FSHR: variants seen among roughly 807,000 people sequenced by gnomAD.
FSHR encodes follicle-stimulating hormone receptor.
FSHR carries 46 observed loss-of-function variants against 52.1 expected under a neutral mutation model. The observed-to-expected ratio is 0.88, with a 90% CI of 0.70 to 1.13. FSHR has a LOEUF of 1.13. Among genes scored for constraint, FSHR ranks in the 50% most tolerant of loss-of-function variants. The pLI is 0.00. For missense variants in FSHR, 964 were observed against 834.6 expected (o/e 1.16, Z -1.91); for synonymous variants, 399 against 309.6 (o/e 1.29, Z -3.03).
intron 2 of FSHR, among the ~76,000 whole-genome samples, chr2:49,061,627 C>A (rs371681143): frequency 6.5e-5 from 7 of 107,330 alleles, no homozygotes; most frequent in East Asian, 3.2e-4. Flanking sequence ...TATAAAAATA[C>A]ATATATCTAT....
At chr2:48,985,705 T>G (rs1325176427) in intron 6 of FSHR, among the ~76,000 whole-genome samples, 1 of 133,694 alleles carries the variant, frequency 7.5e-6, no homozygotes, top group Non-Finnish European at 1.6e-5. Flanking sequence ...AGGTTTTTTT[T>G]TTTTTTTTTT....
At chr2:49,083,798 T>C (rs1373364357) in intron 1 of FSHR, among the ~76,000 whole-genome samples, 1 of 146,388 alleles carries the variant, frequency 6.8e-6, no homozygotes, top group Non-Finnish European at 1.5e-5. Flanking sequence ...GAGCTAACTA[T>C]CCTAAATATA....
chr2:49,062,797 A>T (rs190078786), intron 2 of FSHR, among the ~76,000 whole-genome samples: 2 of 152,284 alleles, frequency 1.3e-5, no homozygotes, highest in East Asian at 3.9e-4. Flanking sequence ...CAATAGGCAT[A>T]TGAAAAAACT....
intron 2 of FSHR, among the ~76,000 whole-genome samples, chr2:49,043,674 C>T (rs893626300): frequency 1.3e-5 from 2 of 152,128 alleles, no homozygotes; most frequent in African/African-American, 2.4e-5. Context: ...CCAAATGTTC[C>T]GATGAATTCA....
At chr2:49,057,851 G>T (rs1669123354) in intron 2 of FSHR, among the ~76,000 whole-genome samples, 1 of 152,166 alleles carries the variant, frequency 6.6e-6, no homozygotes, top group Non-Finnish European at 1.5e-5. Context: ...TCTGAGAAAT[G>T]CAAGAATGTT....
chr2:48,991,159 G>C (rs115971870), intron 4 of FSHR, among the ~76,000 whole-genome samples: 1 of 152,056 alleles, frequency 6.6e-6, no homozygotes, highest in Non-Finnish European at 1.5e-5. Flanking sequence ...TTACCCTTAC[G>C]AGATGGTTAT....
rs1231050840 is a variant in FSHR, at chr2:49,127,848, T to C, written c.152+26418A>G. Among the ~76,000 whole-genome samples, 160 of 24,684 alleles carry C rather than the reference T, an allele frequency of 6.5e-3. 5 individuals carry two copies. Among genetic ancestry groups the C allele is most frequent in the African/African-American group, 0.021 (60 of 2,866 alleles). 16.2% of individuals were successfully genotyped at this position (24,684 alleles called of 152,430 possible). On this transcript the variant is annotated intron_variant, in intron 1 of 9. Coordinates refer to ENST00000406846, the MANE Select transcript of FSHR (RefSeq NM_000145.4). ...CTTCTTCCTCTTCTTCTTCTTCTTCTTCTTCTTCTTCTTCTTCTTCTTCTT... is the reference window on the plus strand; with the variant it reads ...CTTCTTCCTCTTCTTCTTCTTCTTCCTCTTCTTCTTCTTCTTCTTCTTCTT...
chr2:48,972,083 C>T (rs1674766234), intron 8 of FSHR, among the ~76,000 whole-genome samples: 1 of 152,170 alleles, frequency 6.6e-6, no homozygotes, highest in Non-Finnish European at 1.5e-5. Flanking sequence ...TTATAATCTC[C>T]ACTTAGTTGT....
chr2:49,082,068 G>A (rs143470208), intron 1 of FSHR, among the ~76,000 whole-genome samples: 70 of 152,300 alleles, frequency 4.6e-4, no homozygotes, highest in African/African-American at 1.6e-3. Flanking sequence ...AGCTCCCAGC[G>A]TGAGCGACAC....
chr2:48,984,030 G>A (rs1675376382), intron 6 of FSHR, among the ~76,000 whole-genome samples: 2 of 152,142 alleles, frequency 1.3e-5, no homozygotes, highest in South Asian at 4.1e-4. Context: ...ACCTGCTCTT[G>A]TTTTGCTGTC....
chr2:49,030,222 G>C (rs990120860), intron 2 of FSHR, among the ~76,000 whole-genome samples: 1 of 150,170 alleles, frequency 6.7e-6, no homozygotes, highest in African/African-American at 2.5e-5. Context: ...AGCCAGTGTT[G>C]ATTTCCTCCT....
intron 1 of FSHR, among the ~76,000 whole-genome samples, chr2:49,070,057 C>G (rs561443308): frequency 2.0e-5 from 3 of 152,126 alleles, no homozygotes; most frequent in East Asian, 1.9e-4. Flanking sequence ...TGAGAGAGAA[C>G]CCTGTGTGCT....
At chr2:49,154,073 A>G (rs907574696) in intron 1 of FSHR, among the ~76,000 whole-genome samples, 193 bp downstream of exon 1, 2 of 152,154 alleles carry the variant, frequency 1.3e-5, no homozygotes, top group African/African-American at 4.8e-5. Context: ...TGCTGATACA[A>G]ACTCTCATCT....
Position 48,962,622 on chromosome 2 carries a change from A to T in FSHR, c.*111T>A. ...CAATTTACCTTAAAGGTATGCCAGGAATATTAAATTAGATGAAATGTGTAG... is the reference window on the plus strand; with the variant it reads ...CAATTTACCTTAAAGGTATGCCAGGTATATTAAATTAGATGAAATGTGTAG... On this transcript the variant is annotated 3_prime_UTR_variant, in exon 10 of 10. Transcript: ENST00000406846. The T allele has an allele frequency of 1.8e-6, 2 of 1,108,638 alleles. No individual in the cohort carries two copies. Among genetic ancestry groups the T allele is most frequent in the Non-Finnish European group, 2.7e-6 (2 of 742,364 alleles). 68.7% of individuals were successfully genotyped at this position (1,108,638 alleles called of 1,614,324 possible).
chr2:49,014,946 A>G (rs1045285573), intron 4 of FSHR: 7 of 469,492 alleles, frequency 1.5e-5, no homozygotes, highest in African/African-American at 1.4e-4. Flanking sequence ...GAAGAGAAGG[A>G]TCTGGAAGGG....
intron 2 of FSHR, among the ~76,000 whole-genome samples, chr2:49,042,500 C>A (rs531591556): frequency 6.6e-6 from 1 of 152,336 alleles, no homozygotes; most frequent in South Asian, 2.1e-4. Context: ...AAATTCACTT[C>A]CCTTAATAAA....
In FSHR at chr2:48,963,681, G is replaced by A. The variant is rs1674339776; in HGVS notation, c.1140C>T (p.Asn380=). ...TAGTTAGGATCACTAGCACTATGAT[G>A]TTCCCAGTGATGGCCAGGATGCTGA... ...WFISILAITG[N]IIVLVILTTS... is the part of the protein sequence containing the mutation. The change falls in exon 10 of 10, where the codon AAC becomes AAT. Residue 380 remains asparagine (N), a synonymous_variant. Transcript: ENST00000406846. 1 of 1,614,176 alleles carries A rather than the reference G, an allele frequency of 6.2e-7. No individual in the cohort carries two copies. Among genetic ancestry groups the A allele is most frequent in the Non-Finnish European group, 8.5e-7 (1 of 1,180,012 alleles).
chr2:49,135,033 T>C (rs1358369407), intron 1 of FSHR, among the ~76,000 whole-genome samples: 1 of 152,058 alleles, frequency 6.6e-6, no homozygotes, highest in East Asian at 1.9e-4. Context: ...ACCTGCACAA[T>C]GTGCACATGT....
chr2:49,038,621 T>C (rs1410100028), intron 2 of FSHR, among the ~76,000 whole-genome samples: 2 of 69,026 alleles, frequency 2.9e-5, no homozygotes, highest in African/African-American at 1.1e-4. Flanking sequence ...CAAGACTCTG[T>C]CTCAAAATAA....
Sources: gnomAD v4.1 joint callset for allele counts (sites outside exome capture counted in the v4.1 genomes callset) on GRCh38, gnomAD v4.1.1 for gene constraint, MANE v1.5 for transcripts, NCBI Gene and HGNC (gene_info 2026-07-23, HGNC 2026-07-21) for gene names.